The following DCLK2 variants were observed in gnomAD, a reference collection of about 807,000 sequenced individuals.
DCLK2 encodes doublecortin like kinase 2, also known as serine/threonine-protein kinase DCLK2.
In DCLK2, 31 loss-of-function variants were observed where a neutral mutation model predicts 78.4. That is an observed-to-expected ratio of 0.40 (90% confidence interval 0.30 to 0.53). The LOEUF (loss-of-function observed/expected upper bound fraction) is 0.53, where lower values mean the gene tolerates loss of function less well. DCLK2 is among the 20% of genes least tolerant of loss of function. The pLI, the probability that DCLK2 is intolerant of heterozygous loss-of-function variation, is 0.61. For missense variants in DCLK2, 872 were observed against 973.7 expected (o/e 0.90, Z 1.39); for synonymous variants, 407 against 374.9 (o/e 1.09, Z -0.99).
At chr4:150,216,322 C>T (rs1560878146) in intron 5 of DCLK2, among the ~76,000 whole-genome samples, 1 of 152,290 alleles carries the variant, frequency 6.6e-6, no homozygotes, top group East Asian at 1.9e-4. Context: ...GCATCTTCTG[C>T]TCTGTTTTCA....
At chr4:150,102,441 G>C (rs754715545) in intron 1 of DCLK2, 37 bp from the exon 2 acceptor site, 1 of 1,587,966 alleles carries the variant, frequency 6.3e-7, no homozygotes, top group Admixed American at 1.7e-5. Flanking sequence ...CTATGATAGA[G>C]ATAATCATGC....
intron 2 of DCLK2, among the ~76,000 whole-genome samples, chr4:150,115,277 G>A (rs148413719): frequency 6.6e-4 from 100 of 151,634 alleles, no homozygotes; most frequent in African/African-American, 2.3e-3. Context: ...TATCATAAGT[G>A]GTTTTTAAAA....
intron 12 of DCLK2, among the ~76,000 whole-genome samples, chr4:150,241,405 T>TC (rs1271584416): frequency 6.6e-6 from 1 of 152,146 alleles, no homozygotes; most frequent in Non-Finnish European, 1.5e-5. Flanking sequence ...GAGTTTCATC[T>TC]CCCCCTCTGG....
At chr4:150,148,041 A>G (rs1734608141) in intron 2 of DCLK2, among the ~76,000 whole-genome samples, 1 of 152,204 alleles carries the variant, frequency 6.6e-6, no homozygotes, top group South Asian at 2.1e-4. Context: ...TGGTAAATGA[A>G]AAGTCTTCCT....
intron 2 of DCLK2, among the ~76,000 whole-genome samples, chr4:150,190,090 A>C (rs1180118221): frequency 1.5e-5 from 2 of 135,682 alleles, no homozygotes; most frequent in African/African-American, 5.3e-5. Flanking sequence ...TACTCAGGAA[A>C]CTGAGGCAGG....
intron 5 of DCLK2, among the ~76,000 whole-genome samples, chr4:150,208,151 C>A (rs974312329): frequency 2.0e-5 from 3 of 152,158 alleles, no homozygotes; most frequent in African/African-American, 7.2e-5. Context: ...AGGCCTCAGC[C>A]TGGATTCTGC....
intron 2 of DCLK2, among the ~76,000 whole-genome samples, chr4:150,167,925 A>G (rs1736217616): frequency 6.6e-6 from 1 of 152,214 alleles, no homozygotes; most frequent in African/African-American, 2.4e-5. Context: ...CAACTCCAGT[A>G]AACACACTGT....
intron 2 of DCLK2, among the ~76,000 whole-genome samples, chr4:150,109,746 A>G (rs555350086): frequency 2.0e-5 from 3 of 152,296 alleles, no homozygotes; most frequent in South Asian, 2.1e-4. Flanking sequence ...GCAATGGAAA[A>G]TTTATCCCAA....
At chr4:150,140,511 CA>C (rs1453622017) in intron 2 of DCLK2, among the ~76,000 whole-genome samples, 3 of 152,186 alleles carry the variant, frequency 2.0e-5, no homozygotes, top group Non-Finnish European at 2.9e-5. Context: ...GAGTTGCTCA[CA>C]AAACACACTG....
rs1051069927 is a variant in DCLK2 at position 150,140,388 on chromosome 4, C to T, written c.756+37576C>T. Among the ~76,000 whole-genome samples, 7 of 152,134 alleles carry T rather than the reference C, an allele frequency of 4.6e-5. No individual in the cohort carries two copies. In the East Asian group the frequency reaches 5.8e-4, roughly 13 times the overall value. On this transcript the variant is annotated intron_variant, in intron 2 of 15. Coordinates refer to ENST00000296550, the MANE Select transcript of DCLK2 (RefSeq NM_001040260.4). ...CCAGCAAGCATGGAGGCTCCTCCTGCGACCCCAGGATCTCTAGGACCTAGG... is the reference window on the plus strand; with the variant it reads ...CCAGCAAGCATGGAGGCTCCTCCTGTGACCCCAGGATCTCTAGGACCTAGG...
In DCLK2 at chr4:150,216,187, A is replaced by G. The variant is rs1049462334; in HGVS notation, c.1057-4516A>G. Among the ~76,000 whole-genome samples, 13 of 152,236 alleles carry G rather than the reference A, an allele frequency of 8.5e-5. No individual in the cohort carries two copies. The East Asian group carries it at 2.3e-3, about 27-fold the overall frequency. ...GGTAATCTGCTTATCAAAGAAGTTT[A>G]CCATAGGACCCTCTGACATAACTCC... On this transcript the variant is annotated intron_variant, in intron 5 of 15. Transcript: ENST00000296550.
chr4:150,201,976 A>G (rs899608126), intron 4 of DCLK2, among the ~76,000 whole-genome samples: 1 of 152,100 alleles, frequency 6.6e-6, no homozygotes, highest in Admixed American at 6.5e-5. Context: ...TTTTCTGTGT[A>G]CCTCCTTGCC....
chr4:150,239,141 C>CTG (rs1370249387), intron 10 of DCLK2, among the ~76,000 whole-genome samples: 12 of 152,182 alleles, frequency 7.9e-5, no homozygotes, highest in Admixed American at 7.9e-4. Flanking sequence ...CGCCTACACT[C>CTG]TAACTACTGT....
intron 4 of DCLK2, among the ~76,000 whole-genome samples, chr4:150,200,533 C>T (rs1030479904): frequency 9.2e-5 from 14 of 152,158 alleles, no homozygotes; most frequent in African/African-American, 3.1e-4. Flanking sequence ...TTTCTACCAC[C>T]AGGAAGAAGA....
At chr4:150,222,752 G>A (rs1456303012) in intron 7 of DCLK2, among the ~76,000 whole-genome samples, 1 of 151,738 alleles carries the variant, frequency 6.6e-6, no homozygotes, top group Non-Finnish European at 1.5e-5. Context: ...TGAAGTCCCA[G>A]CTACTCGGGA....
intron 2 of DCLK2, among the ~76,000 whole-genome samples, chr4:150,129,223 G>A (rs7667342): frequency 0.23 from 35,451 of 151,802 alleles, 4,555 homozygotes; most frequent in African/African-American, 0.34. Flanking sequence ...ATGCTTTTTG[G>A]TAACAAAAGA....
At chr4:150,242,157 T>G (rs921533112) in intron 12 of DCLK2, among the ~76,000 whole-genome samples, 13 of 152,246 alleles carry the variant, frequency 8.5e-5, no homozygotes, top group African/African-American at 3.1e-4. Context: ...AACATAAGAC[T>G]GACAGATGTT....
chr4:150,238,666 A>G (rs1742685412), intron 10 of DCLK2, among the ~76,000 whole-genome samples: 1 of 152,062 alleles, frequency 6.6e-6, no homozygotes, highest in Admixed American at 6.6e-5. Flanking sequence ...GATTACCCAC[A>G]AGGAAGGAGC....
At chr4:150,252,245 C>T (rs1357567994) in intron 15 of DCLK2, among the ~76,000 whole-genome samples, 1 of 152,072 alleles carries the variant, frequency 6.6e-6, no homozygotes, top group South Asian at 2.1e-4. Context: ...CTGTGCACTG[C>T]GTTGTAAGGC....
Sources: allele counts gnomAD v4.1 joint callset (sites outside exome capture counted in the v4.1 genomes callset), GRCh38; gene constraint gnomAD v4.1.1; transcripts MANE v1.5; gene names NCBI Gene and HGNC (gene_info 2026-07-23, HGNC 2026-07-21).